The following TMEFF1 variants were observed in gnomAD, a reference collection of about 807,000 sequenced individuals.
TMEFF1 encodes the protein tomoregulin-1.
A neutral mutation model predicts 47.5 loss-of-function variants in TMEFF1; 20 were observed. The ratio of observed to expected loss-of-function variants is 0.42; its 90% CI spans 0.30 to 0.61. TMEFF1 has a LOEUF of 0.61. Ranked by LOEUF, TMEFF1 falls within the 20% of genes least tolerant of loss-of-function variation. TMEFF1 has a pLI of 0.19. For synonymous variants in TMEFF1, 162 were observed against 166.3 expected (o/e 0.97, Z 0.20); for missense variants, 411 against 471.1 (o/e 0.87, Z 1.18).
chr9:100,516,046 C>T (rs73655582), intron 4 of TMEFF1, among the ~76,000 whole-genome samples: 17,793 of 151,520 alleles, frequency 0.12, 1,171 homozygotes, highest in Middle Eastern at 0.18. Context: ...TTTTCTTTTG[C>T]GTTGGAGCAT....
intron 5 of TMEFF1, among the ~76,000 whole-genome samples, chr9:100,539,684 T>C (rs1412017314): frequency 6.6e-6 from 1 of 152,146 alleles, no homozygotes; most frequent in Non-Finnish European, 1.5e-5. Flanking sequence ...GCAAGATTTA[T>C]TGTGAAGAGT....
chr9:100,554,224 G>T (rs953720415), intron 7 of TMEFF1, among the ~76,000 whole-genome samples: 1 of 152,124 alleles, frequency 6.6e-6, no homozygotes, highest in African/African-American at 2.4e-5. Context: ...TTTCAGTCCA[G>T]CTCTTTTGAT....
chr9:100,516,071 C>G (rs986721784), intron 4 of TMEFF1, among the ~76,000 whole-genome samples: 9 of 151,860 alleles, frequency 5.9e-5, no homozygotes, highest in African/African-American at 2.2e-4. Context: ...GACCTGCATA[C>G]TTTTGTATCT....
At chr9:100,566,957 C>T (rs749282469) in intron 8 of TMEFF1, among the ~76,000 whole-genome samples, 8 of 152,178 alleles carry the variant, frequency 5.3e-5, no homozygotes, top group East Asian at 3.9e-4. Context: ...CATCATGTTG[C>T]GCAGGCTGGT....
At chr9:100,529,641 T>C (rs1381003506) in intron 5 of TMEFF1, among the ~76,000 whole-genome samples, 1 of 152,102 alleles carries the variant, frequency 6.6e-6, no homozygotes, top group Non-Finnish European at 1.5e-5. Flanking sequence ...ACATTAATAA[T>C]GGGAGACTTT....
chr9:100,510,590 C>T (rs956246254), intron 3 of TMEFF1, among the ~76,000 whole-genome samples: 4 of 152,172 alleles, frequency 2.6e-5, no homozygotes, highest in African/African-American at 9.7e-5. Flanking sequence ...CCACCTCCGT[C>T]TCCTGAGTAG....
intron 8 of TMEFF1, among the ~76,000 whole-genome samples, chr9:100,568,113 G>T (rs959354830): frequency 3.9e-5 from 6 of 152,142 alleles, no homozygotes; most frequent in Admixed American, 2.0e-4. Context: ...TGGGATTGGG[G>T]TAGGGCACAG....
chr9:100,575,116 A>G (rs1839324842), intron 9 of TMEFF1, among the ~76,000 whole-genome samples: 1 of 152,080 alleles, frequency 6.6e-6, no homozygotes. Flanking sequence ...TAGAACATTT[A>G]TGTACTTGGA....
At chr9:100,511,558 A>C (rs535324100) in intron 3 of TMEFF1, among the ~76,000 whole-genome samples, 7 of 152,256 alleles carry the variant, frequency 4.6e-5, no homozygotes, top group African/African-American at 1.7e-4. Flanking sequence ...TCTTTTGTGG[A>C]TCCTATTCCT....
intron 7 of TMEFF1, among the ~76,000 whole-genome samples, chr9:100,557,192 A>T (rs1187322733): frequency 6.6e-6 from 1 of 151,652 alleles, no homozygotes; most frequent in Non-Finnish European, 1.5e-5. Flanking sequence ...GGTTTTTAGT[A>T]TGTTTACAGA....
intron 1 of TMEFF1, among the ~76,000 whole-genome samples, chr9:100,489,502 C>G (rs891680952): frequency 6.6e-6 from 1 of 152,156 alleles, no homozygotes; most frequent in Non-Finnish European, 1.5e-5. Flanking sequence ...ACATAATTTT[C>G]AAGGTTCTTA....
chr9:100,491,511 A>G (rs1837552201), intron 1 of TMEFF1, among the ~76,000 whole-genome samples: 1 of 152,192 alleles, frequency 6.6e-6, no homozygotes, highest in Admixed American at 6.5e-5. Context: ...AATTTATAGG[A>G]CTTTCCCCAG....
At position 100,508,364 on chromosome 9, in the gene TMEFF1, A is replaced by C. The variant is rs550910025; in HGVS notation, c.307-641A>C. On this transcript the variant is annotated intron_variant, in intron 2 of 9. Transcript: ENST00000374879. ...TTTCTTCTTCACCTGTCTTATTTCT[A>C]CTCATCTTTCAGGGCTCAGTTCATA... Among the ~76,000 whole-genome samples the C allele has an allele frequency of 2.0e-5, 3 of 151,920 alleles. No individual in the cohort carries two copies. In the South Asian group the frequency reaches 6.2e-4, roughly 32 times the overall value.
At chr9:100,529,805 A>G (rs1377987629) in intron 5 of TMEFF1, among the ~76,000 whole-genome samples, 7 of 152,168 alleles carry the variant, frequency 4.6e-5, no homozygotes, top group Non-Finnish European at 1.0e-4. Flanking sequence ...TTTCAGCCCC[A>G]CACCACACCT....
intron 2 of TMEFF1, among the ~76,000 whole-genome samples, chr9:100,503,281 A>G (rs1286314631): frequency 6.6e-6 from 1 of 151,948 alleles, no homozygotes; most frequent in Non-Finnish European, 1.5e-5. Context: ...AAGAGCTATT[A>G]TCTTGCCACA....
chr9:100,508,474 C>A (rs1837903185), intron 2 of TMEFF1, among the ~76,000 whole-genome samples: 1 of 151,572 alleles, frequency 6.6e-6, no homozygotes, highest in African/African-American at 2.4e-5. Context: ...TGATTTGGTA[C>A]ATGATCTAGC....
At chr9:100,537,652 A>T (rs1838544265) in intron 5 of TMEFF1, among the ~76,000 whole-genome samples, 1 of 152,350 alleles carries the variant, frequency 6.6e-6, no homozygotes, top group East Asian at 1.9e-4. Context: ...ATGGCTTTCT[A>T]AAGTCCTTTT....
At chr9:100,484,858 G>A (rs1837419415) in intron 1 of TMEFF1, among the ~76,000 whole-genome samples, 1 of 151,688 alleles carries the variant, frequency 6.6e-6, no homozygotes, top group African/African-American at 2.4e-5. Flanking sequence ...TGTATTTTTA[G>A]TAGAGACGGA....
intron 1 of TMEFF1, among the ~76,000 whole-genome samples, chr9:100,474,753 G>A (rs1252733293): frequency 1.3e-5 from 2 of 152,024 alleles, no homozygotes; most frequent in Non-Finnish European, 2.9e-5. Context: ...TGGCAGCAGC[G>A]GGGAGCAAGG....
Sources: gnomAD v4.1 joint callset for allele counts (sites outside exome capture counted in the v4.1 genomes callset) on GRCh38, gnomAD v4.1.1 for gene constraint, MANE v1.5 for transcripts, NCBI Gene and HGNC (gene_info 2026-07-23, HGNC 2026-07-21) for gene names.